CHRM3: variants seen among roughly 807,000 people sequenced by gnomAD.
CHRM3 encodes muscarinic acetylcholine receptor M3.
CHRM3 carries 11 observed loss-of-function variants against 41.8 expected under a neutral mutation model. The ratio of observed to expected loss-of-function variants is 0.26; its 90% CI spans 0.17 to 0.44. The LOEUF (loss-of-function observed/expected upper bound fraction) is 0.44. Ranked by LOEUF, CHRM3 falls within the 20% of genes least tolerant of loss-of-function variation. CHRM3 has a pLI of 1.00. For missense variants in CHRM3, 571 were observed against 745.4 expected (o/e 0.77, Z 2.72); for synonymous variants, 297 against 301.4 (o/e 0.99, Z 0.15).
intron 3 of CHRM3, among the ~76,000 whole-genome samples, chr1:239,582,835 C>G (rs558715740): frequency 7.9e-5 from 12 of 152,248 alleles, no homozygotes; most frequent in African/African-American, 2.9e-4. Context: ...TGAGTTTGCT[C>G]AGAACTCTCC....
intron 3 of CHRM3, among the ~76,000 whole-genome samples, chr1:239,603,269 C>G (rs1281435787): frequency 6.6e-6 from 1 of 151,814 alleles, no homozygotes; most frequent in African/African-American, 2.4e-5. Flanking sequence ...TTGTAGAGTC[C>G]TTACAATTAA....
intron 1 of CHRM3, among the ~76,000 whole-genome samples, chr1:239,407,417 T>TAGAGAGAG (rs67319486): frequency 9.7e-5 from 13 of 134,174 alleles, no homozygotes; most frequent in East Asian, 2.1e-4. Flanking sequence ...TATATATATA[T>TAGAGAGAG]AGAGAGAGAG....
intron 3 of CHRM3, among the ~76,000 whole-genome samples, chr1:239,581,107 G>A (rs1662859707): frequency 6.6e-6 from 1 of 152,008 alleles, no homozygotes; most frequent in South Asian, 2.1e-4. Context: ...GGTAGGAAGG[G>A]AGAACATGCA....
In CHRM3 at chr1:239,754,032, C is replaced by T. The variant is rs563607689; in HGVS notation, c.-146-73220C>T. Reference sequence around the variant, plus strand: ...AGTTGTTTTTTAATATTTACTTATGCCAAACATTGTGCTTAGCATTGTGAT... The same window carrying T: ...AGTTGTTTTTTAATATTTACTTATGTCAAACATTGTGCTTAGCATTGTGAT... On this transcript the variant is annotated intron_variant, in intron 5 of 6. Transcript: ENST00000676153. Among the ~76,000 whole-genome samples the T allele has an allele frequency of 7.9e-5, 12 of 152,148 alleles. No individual in the cohort carries two copies. The South Asian group carries it at 2.1e-3, about 26-fold the overall frequency.
At chr1:239,435,271 G>A (rs1663151039) in intron 1 of CHRM3, among the ~76,000 whole-genome samples, 1 of 151,944 alleles carries the variant, frequency 6.6e-6, no homozygotes, top group African/African-American at 2.4e-5. Context: ...CCAATATCAT[G>A]AAACCCCGTC....
chr1:239,603,159 G>T (rs1459023083), intron 3 of CHRM3, among the ~76,000 whole-genome samples: 2 of 152,120 alleles, frequency 1.3e-5, no homozygotes. Context: ...TTGTCTCAAG[G>T]TTCATCCATG....
chr1:239,467,901 C>G (rs1458523729), intron 1 of CHRM3, among the ~76,000 whole-genome samples: 1 of 132,312 alleles, frequency 7.6e-6, no homozygotes, highest in African/African-American at 3.4e-5. Context: ...TTTTCCCTAC[C>G]CCCCCCCAAC....
At chr1:239,480,660 C>T (rs548542913) in intron 1 of CHRM3, among the ~76,000 whole-genome samples, 3 of 150,262 alleles carry the variant, frequency 2.0e-5, no homozygotes, top group South Asian at 4.2e-4. Flanking sequence ...AGGTTCATGC[C>T]GTTCTCCTGC....
intron 3 of CHRM3, among the ~76,000 whole-genome samples, chr1:239,553,456 G>GA (rs1660058836): frequency 6.6e-6 from 1 of 152,010 alleles, no homozygotes; most frequent in Non-Finnish European, 1.5e-5. Context: ...AGACTTTCAG[G>GA]AGAATGCATT....
chr1:239,808,101 G>T (rs1231072579), intron 5 of CHRM3, among the ~76,000 whole-genome samples: 2 of 152,160 alleles, frequency 1.3e-5, no homozygotes, highest in Admixed American at 1.3e-4. Context: ...AAAACTGGTT[G>T]TTTTGACCCC....
At chr1:239,660,659 G>C (rs1367162924) in intron 4 of CHRM3, among the ~76,000 whole-genome samples, 2 of 152,076 alleles carry the variant, frequency 1.3e-5, no homozygotes, top group African/African-American at 4.8e-5. Flanking sequence ...GAGACAGGGG[G>C]ATCACTTGAG....
At chr1:239,815,364 G>C (rs1482017127) in intron 5 of CHRM3, among the ~76,000 whole-genome samples, 1 of 152,118 alleles carries the variant, frequency 6.6e-6, no homozygotes. Flanking sequence ...TTGTCTTGTG[G>C]AGTTTTTCTC....
chr1:239,706,870 C>T (rs977645615), intron 5 of CHRM3: 1 of 152,246 alleles, frequency 6.6e-6, no homozygotes, highest in African/African-American at 2.4e-5. Flanking sequence ...ATGCACATGC[C>T]TGATGCTACA....
chr1:239,863,718 G>A (rs1306126299), intron 6 of CHRM3, among the ~76,000 whole-genome samples: 2 of 151,212 alleles, frequency 1.3e-5, no homozygotes, highest in Non-Finnish European at 2.9e-5. Flanking sequence ...AAGGTGGGGG[G>A]AAGAGAAAGA....
chr1:239,450,788 G>T (rs1326310169), intron 1 of CHRM3, among the ~76,000 whole-genome samples: 1 of 152,200 alleles, frequency 6.6e-6, no homozygotes, highest in African/African-American at 2.4e-5. Flanking sequence ...GCAAGGGCAG[G>T]ACTCATCACA....
intron 5 of CHRM3, among the ~76,000 whole-genome samples, chr1:239,766,774 C>T (rs937324933): frequency 7.2e-5 from 11 of 152,062 alleles, no homozygotes; most frequent in East Asian, 3.9e-4. Context: ...TGCAGTGGTG[C>T]GATCTGGGCT....
chr1:239,621,885 G>T (rs1458056006), intron 3 of CHRM3, among the ~76,000 whole-genome samples: 1 of 97,554 alleles, frequency 1.0e-5, no homozygotes, highest in African/African-American at 3.9e-5. Flanking sequence ...GCTGGAAGAA[G>T]ATGCCATCTA....
intron 4 of CHRM3, among the ~76,000 whole-genome samples, chr1:239,666,734 C>T (rs908470218): frequency 6.2e-4 from 95 of 152,224 alleles, no homozygotes; most frequent in African/African-American, 2.1e-3. Context: ...CCTGGTTATA[C>T]TGTGGGAGGC....
chr1:239,681,083 C>G (rs143809024), intron 5 of CHRM3, among the ~76,000 whole-genome samples: 1,802 of 152,250 alleles, frequency 0.012, 15 homozygotes, highest in Non-Finnish European at 0.019. Flanking sequence ...GACTTATTCA[C>G]TATCACAAGA....
Sources: allele counts gnomAD v4.1 joint callset (sites outside exome capture counted in the v4.1 genomes callset), GRCh38; gene constraint gnomAD v4.1.1; transcripts MANE v1.5; gene names NCBI Gene and HGNC (gene_info 2026-07-23, HGNC 2026-07-21).